The following WARS1 variants were observed in gnomAD, a reference collection of about 807,000 sequenced individuals.
WARS1 encodes the protein tryptophan--tRNA ligase, cytoplasmic.
Under a neutral mutation model 47.8 loss-of-function variants are expected in WARS1, and 17 were observed. The observed-to-expected ratio is 0.36, with a 90% CI of 0.24 to 0.53. WARS1 has a LOEUF of 0.53. Among genes scored for constraint, WARS1 ranks in the 20% least tolerant of loss-of-function variants. The pLI, the probability that WARS1 is intolerant of heterozygous loss-of-function variation, is 0.91. For missense variants in WARS1, 434 were observed against 608.0 expected, an observed-to-expected ratio of 0.71 and a Z score of 3.01; for synonymous variants, 208 against 228.1, an observed-to-expected ratio of 0.91 and a Z score of 0.79.
intron 6 of WARS1, among the ~76,000 whole-genome samples, chr14:100,349,650 G>A (rs1894844755): frequency 6.6e-6 from 1 of 152,256 alleles, no homozygotes; most frequent in African/African-American, 2.4e-5. Context: ...AACAAGACCA[G>A]GCAGGGGCAG....
chr14:100,365,122 A>AAT (rs1330745811), intron 2 of WARS1, among the ~76,000 whole-genome samples: 1 of 72,604 alleles, frequency 1.4e-5, no homozygotes, highest in African/African-American at 5.4e-5. Flanking sequence ...TGTCTCAAAA[A>AAT]ATACACACAC....
chr14:100,372,269 C>T lies in WARS1; in HGVS notation c.-73-3011G>A, dbSNP rs368572472. Among the ~76,000 whole-genome samples, 20 of 151,518 alleles carry T rather than the reference C, an allele frequency of 1.3e-4. 1 individual carries two copies. Among genetic ancestry groups the T allele is most frequent in the East Asian group, 7.7e-4 (4 of 5,180 alleles). ...TCTCTTCACACGGACACGAGTGACA[C>T]GAGTGAAAGGTAACATGGATAGTGA... On this transcript the variant is annotated intron_variant, in intron 1 of 10. Transcript: ENST00000392882.
intron 7 of WARS1, among the ~76,000 whole-genome samples, chr14:100,344,109 T>G (rs983082229): frequency 3.6e-4 from 55 of 151,448 alleles, no homozygotes; most frequent in African/African-American, 3.2e-4. Flanking sequence ...TCCCTCTCTT[T>G]CCACGGTCTC....
intron 1 of WARS1, among the ~76,000 whole-genome samples, chr14:100,372,578 C>A (rs1284261916): frequency 6.6e-6 from 1 of 152,154 alleles, no homozygotes; most frequent in East Asian, 1.9e-4. Context: ...CATTCCCTCC[C>A]CAGCAACAAG....
At chr14:100,355,547 G>A (rs1160377802) in intron 4 of WARS1, among the ~76,000 whole-genome samples, 1 of 152,082 alleles carries the variant, frequency 6.6e-6, no homozygotes, top group African/African-American at 2.4e-5. Context: ...AAAAAGCTCC[G>A]TGAGGAGTTC....
At chr14:100,354,607 G>A (rs1555381316) in intron 4 of WARS1, 41 bp from the exon 5 acceptor site, 2 of 1,570,678 alleles carry the variant, frequency 1.3e-6, no homozygotes, top group Non-Finnish European at 1.7e-6. Context: ...GATTTTCTGA[G>A]AAAAATATCA....
intron 6 of WARS1, among the ~76,000 whole-genome samples, chr14:100,352,214 C>T (rs1403816258): frequency 2.1e-5 from 3 of 144,434 alleles, no homozygotes; most frequent in South Asian, 2.3e-4. Flanking sequence ...CAGGTTCAAG[C>T]GATTCTTCTG....
chr14:100,342,335 C>T (rs1204588034), intron 9 of WARS1, 63 bp downstream of exon 9: 15 of 1,574,404 alleles, frequency 9.5e-6, no homozygotes, highest in East Asian at 4.5e-5. Context: ...TGTGTGTGTG[C>T]GTGTGCCCCC....
chr14:100,339,068 T>G (rs1893944657), intron 9 of WARS1, among the ~76,000 whole-genome samples: 1 of 151,162 alleles, frequency 6.6e-6, no homozygotes, highest in Admixed American at 6.6e-5. Flanking sequence ...ATTGTGCCAT[T>G]GCACTCCAGC....
rs529721695 is a variant in WARS1 at position 100,367,987 on chromosome 14, C to T, written c.99+1100G>A. 3.3e-4 allele frequency among the ~76,000 whole-genome samples: 50 copies of T among 152,154 alleles called. No individual in the cohort carries two copies. The South Asian group carries it at 4.6e-3, about 14-fold the overall frequency. On this transcript the variant is annotated intron_variant, in intron 2 of 10. Coordinates refer to ENST00000392882, the MANE Select transcript of WARS1 (RefSeq NM_004184.4). Reference sequence around the variant, plus strand: ...GGAATAAAGATGCAGGAGCAGGAAACGGGGCACCCAATCGACAGGGGTGAA... The same window carrying T: ...GGAATAAAGATGCAGGAGCAGGAAATGGGGCACCCAATCGACAGGGGTGAA...
At position 100,354,526 on chromosome 14, in the gene WARS1, G is replaced by C. The variant is rs147330798; in HGVS notation, c.463C>G (p.Pro155Ala). ...QVLDAYENKK[P>A]FYLYTGRGPS... The stretch of plus-strand genomic sequence containing the variant: ...CCCCGGCCCGTGTACAGATAAAATG[G>C]CTTCTTATTTTCATAGGCATCAAGA... Residue 155 changes from proline to alanine, a missense_variant, in exon 5 of 11, where the codon CCA becomes GCA. Physicochemically the swap from Pro to Ala is conservative, Grantham distance 27 (BLOSUM62 -1). This residue lies in a region of WARS1 where 347 missense variants were observed against 523.8 expected (regional missense o/e 0.66). Coordinates refer to ENST00000392882, the MANE Select transcript of WARS1 (RefSeq NM_004184.4). 5 of 1,613,766 alleles carry C rather than the reference G, an allele frequency of 3.1e-6. No individual in the cohort carries two copies. The highest frequency in any genetic ancestry group is 1.1e-5 in the South Asian group (1 of 90,978).
intron 2 of WARS1, chr14:100,366,545 G>A (rs1215979249): frequency 7.0e-6 from 4 of 570,632 alleles, no homozygotes; most frequent in Non-Finnish European, 1.3e-5. Flanking sequence ...TATAAAGGAT[G>A]TAGAGGACAT....
intron 2 of WARS1, among the ~76,000 whole-genome samples, chr14:100,363,730 C>T (rs1039215277): frequency 6.6e-6 from 1 of 152,108 alleles, no homozygotes; most frequent in South Asian, 2.1e-4. Flanking sequence ...TTTTTTTAGA[C>T]AGGGTCTCAC....
chr14:100,337,266 T>C lies in WARS1; in HGVS notation c.1114-64A>G. The C allele has an allele frequency of 1.9e-6, 3 of 1,581,096 alleles. No homozygotes were observed. In the South Asian group the frequency reaches 3.3e-5, roughly 18 times the overall value. On this transcript the variant is annotated intron_variant, in intron 9 of 10. Transcript: ENST00000392882. ...GCTCATCCTGTGCCTGGACACTGGC[T>C]AGAAGCCCAAGTGTGGAAGTCAGAG...
chr14:100,363,183 ACTT>A (rs1354283962), intron 2 of WARS1, among the ~76,000 whole-genome samples: 2 of 152,082 alleles, frequency 1.3e-5, no homozygotes, highest in Non-Finnish European at 2.9e-5. Flanking sequence ...AGTCAATATC[ACTT>A]AATAACTAGC....
rs759107153 is a variant in WARS1, at chr14:100,363,980, C to T, written c.100-2059G>A. On this transcript the variant is annotated intron_variant, in intron 2 of 10. Transcript: ENST00000392882. ...ACACAAGACTGTATTACATACAGTT[C>T]AAACCCAGGTAGAGCTACCCCTGGT... 5.3e-5 allele frequency among the ~76,000 whole-genome samples: 8 copies of T among 152,204 alleles called. No homozygotes were observed. The East Asian group carries it at 5.8e-4, about 11-fold the overall frequency.
intron 4 of WARS1, 144 bp from the exon 5 acceptor site, chr14:100,354,710 A>G: frequency 1.0e-6 from 1 of 975,682 alleles, no homozygotes; most frequent in Non-Finnish European, 1.5e-6. Flanking sequence ...TGCTTATGAT[A>G]TAAATATAGA....
At chr14:100,361,573 T>C (rs1895664219) in intron 3 of WARS1, 135 bp downstream of exon 3, 1 of 780,482 alleles carries the variant, frequency 1.3e-6, no homozygotes, top group Admixed American at 2.9e-5. Context: ...AAGATTTTAG[T>C]ATCCATTTTT....
intron 8 of WARS1, 53 bp downstream of exon 8, chr14:100,343,222 A>C (rs1224149222): frequency 6.8e-7 from 1 of 1,480,430 alleles, no homozygotes; most frequent in Non-Finnish European, 9.3e-7. Context: ...GAGTAAGAGG[A>C]ACCTGCTGTC....
Sources: allele counts gnomAD v4.1 joint callset (sites outside exome capture counted in the v4.1 genomes callset), GRCh38; gene constraint gnomAD v4.1.1; regional missense constraint gnomAD v4.1.1; transcripts MANE v1.5; gene names NCBI Gene and HGNC (gene_info 2026-07-23, HGNC 2026-07-21).